Variants in FKTN observed in about 807,000 individuals in gnomAD.
FKTN encodes fukutin, also known as ribitol-5-phosphate transferase FKTN.
A neutral mutation model predicts 58.6 loss-of-function variants in FKTN; 47 were observed. The observed-to-expected ratio is 0.80, with a 90% CI of 0.63 to 1.02. FKTN has a LOEUF of 1.02. Among genes scored for constraint, FKTN ranks in the 50% least tolerant of loss-of-function variants. The pLI is 0.00. For synonymous variants in FKTN, 178 were observed against 191.9 expected (o/e 0.93, Z 0.60); for missense variants, 516 against 537.3 (o/e 0.96, Z 0.39).
chr9:105,609,510 CAAT>C (rs760790095), intron 7 of FKTN, among the ~76,000 whole-genome samples: 4 of 152,032 alleles, frequency 2.6e-5, no homozygotes, highest in East Asian at 1.9e-4. Context: ...TCAGTTGTCC[CAAT>C]AATAACCTTT....
intron 1 of FKTN, among the ~76,000 whole-genome samples, chr9:105,563,170 G>A (rs892266133): frequency 6.6e-6 from 1 of 152,124 alleles, no homozygotes; most frequent in African/African-American, 2.4e-5. Flanking sequence ...AATATGCAGT[G>A]GGGTTCCAAG....
chr9:105,631,857 T>C lies in FKTN; in HGVS notation c.1173-3194T>C, dbSNP rs1191675442. ...AGTTCAACCATTGTGGAAGTCAGTG[T>C]GGCGACTCCTCAGGGATCTAGAACT... On this transcript the variant is annotated intron_variant, in intron 10 of 10. Transcript: ENST00000357998. Among the ~76,000 whole-genome samples the C allele has an allele frequency of 2.0e-5, 3 of 150,868 alleles. No individual in the cohort carries two copies. In the East Asian group the frequency reaches 5.8e-4, roughly 29 times the overall value.
At position 105,619,935 on chromosome 9, in the gene FKTN, T is replaced by G; in HGVS notation, c.1046T>G (p.Val349Gly). 1 of 1,611,374 alleles carries G rather than the reference T, an allele frequency of 6.2e-7. No homozygotes were observed. The highest frequency in any genetic ancestry group is 8.5e-7 in the Non-Finnish European group (1 of 1,177,802). The change falls in exon 10 of 11, where the codon GTA (valine) becomes GGA (glycine). Residue 349 changes from valine (V) to glycine (G), a missense_variant and splice_region_variant. Coordinates refer to ENST00000357998, the MANE Select transcript of FKTN (RefSeq NM_001079802.2). ...GLPLKHKFGKVEDSLELSFQG... is the reference protein window; with the variant it reads ...GLPLKHKFGKGEDSLELSFQG... The stretch of plus-strand genomic sequence containing the variant: ...TGAAGGTTTTCATCTTCCCCATAGG[T>G]AGAAGACAGCTTGGAACTATCCTTC...
intron 10 of FKTN, among the ~76,000 whole-genome samples, chr9:105,628,445 A>G (rs1488526560): frequency 1.3e-5 from 2 of 148,622 alleles, no homozygotes; most frequent in Non-Finnish European, 3.0e-5. Context: ...TTTTTTTAAG[A>G]GAAGATTGCC....
intron 7 of FKTN, among the ~76,000 whole-genome samples, chr9:105,610,326 G>A (rs1340349851): frequency 6.6e-6 from 1 of 152,012 alleles, no homozygotes; most frequent in Non-Finnish European, 1.5e-5. Flanking sequence ...GGGTGTATAT[G>A]TCTGTGTGTA....
In FKTN at chr9:105,640,226, A is replaced by C; in HGVS notation, c.*4962A>C. ...TACCTTTTGTATAGGTCCTGTGCTT[A>C]AAGGAGGCAAGTATAAATTTTCTAA... is the stretch of plus-strand genomic sequence containing the variant. On this transcript the variant is annotated 3_prime_UTR_variant, in exon 11 of 11. Coordinates refer to ENST00000357998, the MANE Select transcript of FKTN (RefSeq NM_001079802.2). 1 of 1,428,790 alleles carries C rather than the reference A, an allele frequency of 7.0e-7. No individual in the cohort carries two copies. Among genetic ancestry groups the C allele is most frequent in the Non-Finnish European group, 9.2e-7 (1 of 1,086,362 alleles). The allele number at this position is 1,428,790 out of a possible 1,614,324, so 88.5% of individuals were successfully genotyped here. A position where few individuals can be genotyped will look rare whatever the true frequency, so the allele number is the denominator to read the frequency against.
chr9:105,615,055 T>C (rs1423708766), intron 7 of FKTN, among the ~76,000 whole-genome samples: 1 of 152,172 alleles, frequency 6.6e-6, no homozygotes, highest in Non-Finnish European at 1.5e-5. Context: ...AGCTAATTTT[T>C]ATGTTTTTAG....
chr9:105,585,410 C>A (rs1843729229), intron 3 of FKTN, among the ~76,000 whole-genome samples: 1 of 151,798 alleles, frequency 6.6e-6, no homozygotes, highest in Admixed American at 6.6e-5. Context: ...GAGAGGGAGA[C>A]CCTGTCTCAA....
At chr9:105,594,325 G>A (rs1282068400) in intron 3 of FKTN, among the ~76,000 whole-genome samples, 2 of 152,292 alleles carry the variant, frequency 1.3e-5, no homozygotes, top group African/African-American at 4.8e-5. Flanking sequence ...AATGCCATAA[G>A]TTGAAAGATA....
chr9:105,602,356 A>G (rs1371003870), intron 5 of FKTN, among the ~76,000 whole-genome samples: 1 of 152,152 alleles, frequency 6.6e-6, no homozygotes, highest in Non-Finnish European at 1.5e-5. Flanking sequence ...TATCCCCCCA[A>G]ATTTCTGAAG....
intron 3 of FKTN, among the ~76,000 whole-genome samples, chr9:105,576,042 A>C (rs1295195118): frequency 6.6e-6 from 1 of 152,168 alleles, no homozygotes; most frequent in Non-Finnish European, 1.5e-5. Context: ...TGAGGGAGGA[A>C]ATAGATGCTT....
intron 1 of FKTN, among the ~76,000 whole-genome samples, chr9:105,565,865 C>A (rs1057179829): frequency 1.2e-4 from 18 of 152,156 alleles, no homozygotes; most frequent in Non-Finnish European, 2.5e-4. Context: ...AGCACCACAC[C>A]ACACTTACTC....
At chr9:105,561,754 TA>T (rs1228380827) in intron 1 of FKTN, among the ~76,000 whole-genome samples, 2 of 152,216 alleles carry the variant, frequency 1.3e-5, no homozygotes, top group Non-Finnish European at 2.9e-5. Context: ...AGAAACTTCT[TA>T]ACCCTTTGCA....
In FKTN at chr9:105,572,601, C is replaced by G. The variant is rs79071285; in HGVS notation, c.-180-1054C>G. ...ATGCATAGAAAGGCAATGGGAATTT[C>G]CTTGGATTGTTTGGCAACATGAACT... On this transcript the variant is annotated intron_variant, in intron 1 of 10. Coordinates refer to ENST00000357998, the MANE Select transcript of FKTN (RefSeq NM_001079802.2). Among the ~76,000 whole-genome samples, 1,368 of 152,180 alleles carry G rather than the reference C, an allele frequency of 9.0e-3. 12 individuals are homozygous for G. The highest frequency in any genetic ancestry group is 0.058 in the Middle Eastern group (17 of 294).
At chr9:105,603,049 G>T (rs1828183229) in intron 5 of FKTN, among the ~76,000 whole-genome samples, 1 of 152,090 alleles carries the variant, frequency 6.6e-6, no homozygotes, top group African/African-American at 2.4e-5. Context: ...CCTTGACCTA[G>T]GCCTTTACAC....
Position 105,604,234 on chromosome 9 carries a change from C to T in FKTN, c.389C>T (p.Ala130Val), listed in dbSNP as rs752196884. 3 of 1,612,434 alleles carry T rather than the reference C, an allele frequency of 1.9e-6. No homozygotes were observed. The highest frequency in any genetic ancestry group is 2.5e-6 in the Non-Finnish European group (3 of 1,179,958). ...WKNEEGWFRI[A>V]ENMGFQCLKI... ...TTCTAGGAAGGCTGGTTTCGGATAG[C>T]TGAGAATATGGGATTTCAGTGCCTA... is the stretch of plus-strand genomic sequence containing the variant. The change falls in exon 6 of 11, where the codon GCT becomes GTT. Residue 130 changes from alanine (A) to valine (V), a missense_variant. Coordinates refer to ENST00000357998, the MANE Select transcript of FKTN (RefSeq NM_001079802.2).
intron 7 of FKTN, among the ~76,000 whole-genome samples, chr9:105,608,173 A>C (rs759401787): frequency 1.6e-4 from 25 of 152,094 alleles, no homozygotes; most frequent in Non-Finnish European, 3.1e-4. Context: ...GTTGATATTT[A>C]TTTATTGTTT....
At chr9:105,581,478 C>T (rs1030579289) in intron 3 of FKTN, among the ~76,000 whole-genome samples, 17 of 150,584 alleles carry the variant, frequency 1.1e-4, no homozygotes, top group Admixed American at 4.6e-4. Flanking sequence ...TTAGGCTGCT[C>T]GGGGGTCAGG....
In FKTN at chr9:105,561,455, A is replaced by C. The variant is rs551168713; in HGVS notation, c.-181+3290A>C. Among the ~76,000 whole-genome samples, 38 of 152,290 alleles carry C rather than the reference A, an allele frequency of 2.5e-4. 1 individual carries two copies. In the South Asian group the frequency reaches 7.5e-3, roughly 30 times the overall value. On this transcript the variant is annotated intron_variant, in intron 1 of 10. Transcript: ENST00000357998. ...AATTGATGTTCACGTAAGATAAATA[A>C]GGAAAAAAAATAAAAGCACCTACAC... is the stretch of plus-strand genomic sequence containing the variant.
Sources: allele counts gnomAD v4.1 joint callset (sites outside exome capture counted in the v4.1 genomes callset), GRCh38; gene constraint gnomAD v4.1.1; transcripts MANE v1.5; gene names NCBI Gene and HGNC (gene_info 2026-07-23, HGNC 2026-07-21).